MOSPD2: variants seen among roughly 807,000 people sequenced by gnomAD.
The protein encoded by MOSPD2 is motile sperm domain containing 2, also known as motile sperm domain-containing protein 2.
Under a neutral mutation model 41.7 loss-of-function variants are expected in MOSPD2, and 5 were observed. The observed-to-expected ratio is 0.12, with a 90% confidence interval of 0.06 to 0.25. The LOEUF is 0.25. Ranked by LOEUF, MOSPD2 falls within the 10% of genes least tolerant of loss-of-function variation. The pLI is 1.00. For missense variants in MOSPD2, 282 were observed against 375.2 expected (o/e 0.75, Z 2.05); for synonymous variants, 115 against 126.9 (o/e 0.91, Z 0.63).
intron 7 of MOSPD2, 38 bp downstream of exon 7, chrX:14,903,042 A>G: frequency 2.1e-6 from 2 of 934,366 alleles, no homozygotes; most frequent in East Asian, 3.1e-5. Flanking sequence ...AAAATGTCTA[A>G]TTTCCTTTAC....
At position 14,918,745 on chromosome X, in the gene MOSPD2, A is replaced by G; in HGVS notation, c.1382A>G (p.Asn461Ser). 1 of 1,194,805 alleles carries G rather than the reference A, an allele frequency of 8.4e-7. No homozygotes were observed. The highest frequency in any genetic ancestry group is 1.1e-6 in the Non-Finnish European group (1 of 880,748). Residue 461 changes from asparagine to serine, a missense_variant, in exon 14 of 15, where the codon AAT (asparagine) becomes AGT (serine). Physicochemically the swap from Asn to Ser is conservative, Grantham distance 46. This residue lies in a region of MOSPD2 where 94 missense variants were observed against 102.1 expected (regional missense o/e 0.92). Coordinates refer to ENST00000380492, the MANE Select transcript of MOSPD2 (RefSeq NM_152581.4). ...NTLTLKDNAF[N>S]MSDKTSEDIC... ...CTTACGTTAAAAGACAATGCTTTCA[A>G]TATGTCAGATAAAACCAGTGAAGAT...
In MOSPD2 at chrX:14,895,367, G is replaced by A; in HGVS notation, c.295G>A (p.Gly99Ser). 8.7e-7 allele frequency: 1 copy of A among 1,142,884 alleles called. No individual in the cohort carries two copies. The highest frequency in any genetic ancestry group is 1.2e-6 in the Non-Finnish European group (1 of 837,897). 94.2% of individuals were successfully genotyped at this position (1,142,884 alleles called of 1,213,427 possible). A position where few individuals can be genotyped will look rare whatever the true frequency, so the allele number is the denominator to read the frequency against. The change falls in exon 4 of 15, where the codon GGT becomes AGT. Residue 99 changes from glycine to serine, a missense_variant. Physicochemically the swap from Gly to Ser is moderately conservative, Grantham distance 56. Coordinates refer to ENST00000380492, the MANE Select transcript of MOSPD2 (RefSeq NM_152581.4). ...LLEIGVIYLH[G>S]YDKEGNKLFW... is the part of the protein sequence containing the mutation. Reference sequence around the variant, plus strand: ...GGAAATTGGTGTTATTTATCTCCATGGTTATGACAAAGAAGGTAACAAATT... The same window carrying A: ...GGAAATTGGTGTTATTTATCTCCATAGTTATGACAAAGAAGGTAACAAATT...
chrX:14,881,672 T>C lies in MOSPD2; in HGVS notation c.79+7914T>C, dbSNP rs6628588. ...TCCAAGTGAGGAAGCCTTTAAAAGA[T>C]TGATAAATAAACAGACACACTTGGA... On this transcript the variant is annotated intron_variant, in intron 2 of 14. Coordinates refer to ENST00000380492, the MANE Select transcript of MOSPD2 (RefSeq NM_152581.4). 7.2e-5 allele frequency among the ~76,000 whole-genome samples: 8 copies of C among 111,818 alleles called. No individual in the cohort carries two copies. The East Asian group carries it at 1.7e-3, about 23-fold the overall frequency.
intron 7 of MOSPD2, among the ~76,000 whole-genome samples, chrX:14,904,136 C>A (rs902214082): frequency 8.9e-6 from 1 of 111,911 alleles, no homozygotes; most frequent in Non-Finnish European, 1.9e-5. Flanking sequence ...AGAGGGAATA[C>A]TTTCCAACTT....
At chrX:14,890,729 G>C (rs1396530784) in intron 2 of MOSPD2, among the ~76,000 whole-genome samples, 2 of 111,443 alleles carry the variant, frequency 1.8e-5, no homozygotes, top group Admixed American at 1.9e-4. Context: ...ACTCAAAGAA[G>C]ACAATTCTCT....
At chrX:14,880,392 A>AT (rs757932799) in intron 2 of MOSPD2, among the ~76,000 whole-genome samples, 1 of 111,238 alleles carries the variant, frequency 9.0e-6, no homozygotes, top group Non-Finnish European at 1.9e-5. Context: ...TTTACCTGGG[A>AT]TTTTTTTATG....
intron 14 of MOSPD2, 58 bp downstream of exon 14, chrX:14,918,840 T>TC: frequency 1.3e-6 from 1 of 746,860 alleles, no homozygotes; most frequent in South Asian, 2.3e-5. Flanking sequence ...ACATTAGAAA[T>TC]CCCTTTTTTT....
rs770714358 is a variant in MOSPD2, at chrX:14,917,379, T to C, written c.1316+1053T>C. On this transcript the variant is annotated intron_variant, in intron 13 of 14. Coordinates refer to ENST00000380492, the MANE Select transcript of MOSPD2 (RefSeq NM_152581.4). ...GGAAGTCACTGTCTCTTGACTCCAG[T>C]AAGGGAGGAGCATGGTGAGAGATGG... Among the ~76,000 whole-genome samples, 9 of 111,479 alleles carry C rather than the reference T, an allele frequency of 8.1e-5. No individual in the cohort carries two copies. In the South Asian group the frequency reaches 3.0e-3, roughly 37 times the overall value.
At chrX:14,914,303 C>CT (rs1487087008) in intron 10 of MOSPD2, among the ~76,000 whole-genome samples, 200 bp from the exon 11 acceptor site, 1 of 111,687 alleles carries the variant, frequency 9.0e-6, no homozygotes, top group Non-Finnish European at 1.9e-5. Flanking sequence ...AACCGTAGGA[C>CT]TTTTTAAATA....
At chrX:14,890,818 A>T (rs1225508625) in intron 2 of MOSPD2, among the ~76,000 whole-genome samples, 1 of 111,752 alleles carries the variant, frequency 8.9e-6, no homozygotes, top group Non-Finnish European at 1.9e-5. Context: ...TCAAGAAGAG[A>T]TAGGATCCAT....
chrX:14,884,151 TG>T (rs2092536943), intron 2 of MOSPD2, among the ~76,000 whole-genome samples: 1 of 110,662 alleles, frequency 9.0e-6, no homozygotes, highest in African/African-American at 3.3e-5. Flanking sequence ...TTTTTAGGCA[TG>T]CAAAGATTGA....
intron 2 of MOSPD2, among the ~76,000 whole-genome samples, chrX:14,886,546 C>CGA (rs138780913): frequency 0.033 from 3,362 of 101,791 alleles, 62 homozygotes; most frequent in Admixed American, 0.087. Context: ...CGCACACACA[C>CGA]GAGAGAGAGA....
intron 2 of MOSPD2, among the ~76,000 whole-genome samples, chrX:14,891,989 C>T (rs1045831837): frequency 8.9e-6 from 1 of 112,134 alleles, no homozygotes; most frequent in African/African-American, 3.2e-5. Context: ...GTTCAGATAA[C>T]ATAATTAATC....
chrX:14,911,703 C>T (rs1223910235), intron 9 of MOSPD2, among the ~76,000 whole-genome samples: 2 of 111,529 alleles, frequency 1.8e-5, no homozygotes, highest in African/African-American at 6.5e-5. Flanking sequence ...TCCCGAGCAA[C>T]ATAGGGAGGC....
chrX:14,893,455 G>C (rs958993436), intron 3 of MOSPD2: 11 of 111,565 alleles, frequency 9.9e-5, no homozygotes, highest in African/African-American at 3.6e-4. Context: ...TCTGCTACTA[G>C]ATAGAATTTT....
intron 7 of MOSPD2, among the ~76,000 whole-genome samples, chrX:14,908,336 AGGCCTGG>A (rs1300078974): frequency 8.9e-6 from 1 of 111,900 alleles, no homozygotes; most frequent in Non-Finnish European, 1.9e-5. Context: ...ATAAACTGCA[AGGCCTGG>A]GAGAGAGGCA....
chrX:14,911,018 G>A (rs1052987418), intron 8 of MOSPD2, among the ~76,000 whole-genome samples: 2 of 111,060 alleles, frequency 1.8e-5, no homozygotes, highest in African/African-American at 3.3e-5. Flanking sequence ...TGTAGAGAGC[G>A]AGCTAAAGAT....
chrX:14,911,117 T>C, intron 8 of MOSPD2, 120 bp from the exon 9 acceptor site: 1 of 616,654 alleles, frequency 1.6e-6, no homozygotes, highest in Non-Finnish European at 2.5e-6. Context: ...TCCTTTATTT[T>C]AAATTTCATG....
chrX:14,907,780 A>G (rs6527091), intron 7 of MOSPD2, among the ~76,000 whole-genome samples: 6,508 of 111,289 alleles, frequency 0.058, 375 homozygotes, highest in African/African-American at 0.18. Flanking sequence ...GGTGGTGGTG[A>G]TGGTGGTTGC....
Sources: allele counts gnomAD v4.1 joint callset (sites outside exome capture counted in the v4.1 genomes callset), GRCh38; gene constraint gnomAD v4.1.1; regional missense constraint gnomAD v4.1.1; transcripts MANE v1.5; gene names NCBI Gene and HGNC (gene_info 2026-07-23, HGNC 2026-07-21).